The following LRRC37A variants were observed in gnomAD, a reference collection of about 807,000 sequenced individuals.
LRRC37A encodes the protein leucine-rich repeat-containing protein 37A.
A neutral mutation model predicts 35.4 loss-of-function variants in LRRC37A; 3 were observed. That is an observed-to-expected ratio of 0.08 (90% confidence interval 0.04 to 0.22). The LOEUF (loss-of-function observed/expected upper bound fraction) is 0.22. Ranked by LOEUF, LRRC37A falls within the 10% of genes least tolerant of loss-of-function variation. The pLI, the probability that LRRC37A is intolerant of heterozygous loss-of-function variation, is 1.00. For missense variants in LRRC37A, 67 were observed against 565.3 expected (o/e 0.12, Z 8.94); for synonymous variants, 23 against 215.0 (o/e 0.11, Z 7.81).
the LRRC37A span, among the ~76,000 whole-genome samples, chr17:46,256,410 G>GAA: frequency 6.9e-6 from 1 of 145,912 alleles, no homozygotes. Context: ...AAAACAAAAA[G>GAA]AAAAAAAAAA....
the LRRC37A span, among the ~76,000 whole-genome samples, chr17:46,282,925 C>G: frequency 6.6e-6 from 1 of 152,002 alleles, no homozygotes; most frequent in Non-Finnish European, 1.5e-5. Flanking sequence ...TTGAGACCAT[C>G]CTGGCCAACA....
At chr17:46,249,054 G>A in the LRRC37A span, among the ~76,000 whole-genome samples, 1 of 152,124 alleles carries the variant, frequency 6.6e-6, no homozygotes, top group African/African-American at 2.4e-5. Context: ...GGTATTTAAA[G>A]TATACCTGAG....
chr17:46,316,603 TTTTG>T (rs1242569356), intron 5 of LRRC37A, among the ~76,000 whole-genome samples: 1 of 73,396 alleles, frequency 1.4e-5, no homozygotes, highest in Non-Finnish European at 4.0e-5. Context: ...GCCCAGTTTT[TTTTG>T]TTTTTGTTTT....
rs1346506879 is a variant in LRRC37A, at chr17:46,324,936, A to C, written c.3053+1909A>C. ...TTGTTACACAATTTACTGCAACTTC[A>C]ATTGTGCCACCAGCCCCCACAATAT... On this transcript the variant is annotated intron_variant, in intron 7 of 13. Coordinates refer to ENST00000320254, the Ensembl canonical transcript of LRRC37A. Among the ~76,000 whole-genome samples, 3 of 77,596 alleles carry C rather than the reference A, an allele frequency of 3.9e-5. 1 individual carries two copies. Among genetic ancestry groups the C allele is most frequent in the African/African-American group, 3.3e-5 (1 of 29,942 alleles). The allele number at this position is 77,596 out of a possible 152,430, so 50.9% of individuals were successfully genotyped here.
At chr17:46,277,653 C>CTTTCTTTT in the LRRC37A span, among the ~76,000 whole-genome samples, 92 of 137,298 alleles carry the variant, frequency 6.7e-4, no homozygotes, top group Middle Eastern at 3.9e-3. Flanking sequence ...TTCTTTCTTT[C>CTTTCTTTT]TTTTTTTTTT....
chr17:46,265,322 TTCTTTTTTTCTCC>T, the LRRC37A span, among the ~76,000 whole-genome samples: 2 of 143,434 alleles, frequency 1.4e-5, no homozygotes, highest in South Asian at 2.3e-4. Flanking sequence ...CTTCCTCTTC[TTCTTTTTTTCTCC>T]TCTTCTTCTT....
rs1471573997 is a variant in LRRC37A, at chr17:46,304,590, C to T, written c.2754-919C>T. The stretch of plus-strand genomic sequence containing the variant: ...TATCAGCCAGACAACGTTACACCAT[C>T]CAGGTAAAGAGGGAGGGACAAACTC... On this transcript the variant is annotated intron_variant, in intron 3 of 13. Coordinates refer to ENST00000320254, the Ensembl canonical transcript of LRRC37A. 5.3e-5 allele frequency among the ~76,000 whole-genome samples: 4 copies of T among 75,600 alleles called. 2 individuals are homozygous for T. The highest frequency in any genetic ancestry group is 1.6e-4 in the Non-Finnish European group (4 of 25,216). 49.6% of individuals were successfully genotyped at this position (75,600 alleles called of 152,430 possible).
At chr17:46,279,712 T>G in the LRRC37A span, among the ~76,000 whole-genome samples, 1 of 151,788 alleles carries the variant, frequency 6.6e-6, no homozygotes, top group African/African-American at 2.4e-5. Context: ...CCCGGGCTGG[T>G]CTAGAATTCC....
upstream of LRRC37A, among the ~76,000 whole-genome samples, chr17:46,291,476 G>A (rs1289331061): frequency 6.6e-6 from 1 of 151,560 alleles, no homozygotes; most frequent in Non-Finnish European, 1.5e-5. Context: ...AGGCTAACAT[G>A]CTGTGTGTGA....
intron 7 of LRRC37A, among the ~76,000 whole-genome samples, chr17:46,323,460 GA>G (rs2051510847): frequency 1.0e-5 from 1 of 98,628 alleles, no homozygotes; most frequent in African/African-American, 3.3e-5. Context: ...GCAGCGGCAT[GA>G]CCTAGGCTCA....
intron 10 of LRRC37A, chr17:46,334,863 A>G (rs1274551871): frequency 1.4e-5 from 2 of 137,938 alleles, no homozygotes; most frequent in Non-Finnish European, 3.2e-5. Flanking sequence ...AAAAAAAACC[A>G]ATAAAAATAC....
At chr17:46,317,161 G>A (rs1466387314) in intron 5 of LRRC37A, among the ~76,000 whole-genome samples, 21 of 88,100 alleles carry the variant, frequency 2.4e-4, no homozygotes, top group Non-Finnish European at 3.7e-4. Context: ...CCGGGCAGAG[G>A]CGCTCCTCAC....
At chr17:46,287,244 A>G in the LRRC37A span, among the ~76,000 whole-genome samples, 1 of 152,260 alleles carries the variant, frequency 6.6e-6, no homozygotes, top group Non-Finnish European at 1.5e-5. Flanking sequence ...AAAATAAACC[A>G]CACACTGATG....
At chr17:46,291,611 A>C (rs2050069245), upstream of LRRC37A, among the ~76,000 whole-genome samples, 2 of 151,998 alleles carry the variant, frequency 1.3e-5, no homozygotes, top group Non-Finnish European at 2.9e-5. Context: ...TGAAAATGAA[A>C]ATGTGTAATA....
the LRRC37A span, among the ~76,000 whole-genome samples, chr17:46,270,422 A>T: frequency 6.6e-6 from 1 of 152,270 alleles, no homozygotes; most frequent in Non-Finnish European, 1.5e-5. Flanking sequence ...AGAGATTTCT[A>T]GAGTATTTTC....
the LRRC37A span, among the ~76,000 whole-genome samples, chr17:46,260,979 C>G: frequency 6.6e-6 from 1 of 152,064 alleles, no homozygotes; most frequent in African/African-American, 2.4e-5. Flanking sequence ...AAACATCGTA[C>G]GTTCTCACTC....
the LRRC37A span, among the ~76,000 whole-genome samples, chr17:46,281,187 T>TCCACCTGGCTC: frequency 6.6e-6 from 1 of 152,202 alleles, no homozygotes; most frequent in African/African-American, 2.4e-5. Flanking sequence ...TTTCCATTTG[T>TCCACCTGGCTC]CCACCTGGCT....
chr17:46,287,748 G>C (rs76415878), upstream of LRRC37A, among the ~76,000 whole-genome samples: 6,791 of 129,788 alleles, frequency 0.052, no homozygotes, highest in Non-Finnish European at 0.086. Flanking sequence ...GTATGGGGAA[G>C]GATGCAAAGA....
At chr17:46,262,522 A>T in the LRRC37A span, among the ~76,000 whole-genome samples, 2,330 of 151,872 alleles carry the variant, frequency 0.015, 2 homozygotes, top group Middle Eastern at 0.027. Context: ...CCCAGTAAGG[A>T]TTTAAAAGCT....
Sources: allele counts gnomAD v4.1 joint callset (sites outside exome capture counted in the v4.1 genomes callset), GRCh38; gene constraint gnomAD v4.1.1; transcripts MANE v1.5; gene names NCBI Gene and HGNC (gene_info 2026-07-23, HGNC 2026-07-21).